Variants in LUC7L2 observed in about 807,000 individuals in gnomAD.
LUC7L2 encodes the protein putative RNA-binding protein Luc7-like 2.
LUC7L2 carries 25 observed loss-of-function variants against 52.8 expected under a neutral mutation model. The ratio of observed to expected loss-of-function variants is 0.47; its 90% CI spans 0.34 to 0.66. The LOEUF (loss-of-function observed/expected upper bound fraction) is 0.66. Among genes scored for constraint, LUC7L2 ranks in the 30% least tolerant of loss-of-function variants. LUC7L2 has a pLI of 0.01. For missense variants in LUC7L2, 328 were observed against 497.8 expected, an observed-to-expected ratio of 0.66 and a Z score of 3.25; for synonymous variants, 144 against 160.9, an observed-to-expected ratio of 0.89 and a Z score of 0.80.
At chr7:139,401,684 T>A (rs1262833873) in intron 3 of LUC7L2, among the ~76,000 whole-genome samples, 1 of 151,840 alleles carries the variant, frequency 6.6e-6, no homozygotes, top group Non-Finnish European at 1.5e-5. Flanking sequence ...AACTCCTAAC[T>A]TCAGGTGATC....
intron 4 of LUC7L2, among the ~76,000 whole-genome samples, chr7:139,403,923 C>T (rs1473514116): frequency 3.9e-5 from 6 of 152,108 alleles, no homozygotes; most frequent in Non-Finnish European, 8.8e-5. Context: ...ATGTTTGCTA[C>T]CATCTCAGTA....
intron 1 of LUC7L2, among the ~76,000 whole-genome samples, chr7:139,362,293 A>G (rs1161966795): frequency 6.6e-6 from 1 of 152,162 alleles, no homozygotes; most frequent in Non-Finnish European, 1.5e-5. Context: ...AATTCTATAT[A>G]TGCAAAATAA....
chr7:139,376,053 A>G lies in LUC7L2; in HGVS notation c.62-9A>G, dbSNP rs1425724944. On this transcript the variant is annotated splice_polypyrimidine_tract_variant and intron_variant, in intron 1 of 9. Transcript: ENST00000354926. ...AACCTTGAATGTTATTAACTCTTCT[A>G]TATTACAGGAGATACAACTCGTCAA... The G allele has an allele frequency of 2.5e-6, 4 of 1,613,406 alleles. No individual in the cohort carries two copies. The highest frequency in any genetic ancestry group is 1.7e-5 in the Admixed American group (1 of 60,018).
chr7:139,408,395 A>C (rs996674067), intron 6 of LUC7L2, among the ~76,000 whole-genome samples: 5 of 152,194 alleles, frequency 3.3e-5, no homozygotes, highest in African/African-American at 1.2e-4. Context: ...TCAGGATGGT[A>C]ATTGGAAGTG....
At chr7:139,404,444 GGTT>G (rs1287454534) in intron 4 of LUC7L2, among the ~76,000 whole-genome samples, 1 of 152,178 alleles carries the variant, frequency 6.6e-6, no homozygotes, top group Non-Finnish European at 1.5e-5. Flanking sequence ...AGGAGGCAGA[GGTT>G]GTAGTGAACT....
At chr7:139,343,925 CCAA>C (rs1304091378) in intron 1 of LUC7L2, among the ~76,000 whole-genome samples, 4 of 126,506 alleles carry the variant, frequency 3.2e-5, no homozygotes, top group African/African-American at 1.1e-4. Flanking sequence ...GACCCTGTCC[CCAA>C]AAAAAAAAAA....
intron 1 of LUC7L2, among the ~76,000 whole-genome samples, chr7:139,354,234 T>G (rs567685219): frequency 6.6e-6 from 1 of 152,366 alleles, no homozygotes; most frequent in South Asian, 2.1e-4. Context: ...GTCAAAATTT[T>G]TTTAAATTCT....
chr7:139,377,777 T>A (rs1254823507), intron 2 of LUC7L2, among the ~76,000 whole-genome samples: 1 of 150,074 alleles, frequency 6.7e-6, no homozygotes. Flanking sequence ...TTTGTCCACC[T>A]CAGCCTCCCA....
rs1027695602 is a variant in LUC7L2 at position 139,398,994 on chromosome 7, A to G, written c.255+297A>G. ...AAATATCAAGCAAATGTAAGCAACT[A>G]ATTTATAGTGTATATAAGGACCTAT... On this transcript the variant is annotated intron_variant, in intron 3 of 9. Transcript: ENST00000354926. Among the ~76,000 whole-genome samples the G allele has an allele frequency of 7.9e-5, 12 of 152,276 alleles. No homozygotes were observed. In the South Asian group the frequency reaches 1.0e-3, roughly 13 times the overall value.
intron 3 of LUC7L2, 33 bp from the exon 4 acceptor site, chr7:139,402,104 C>G: frequency 6.5e-7 from 1 of 1,543,664 alleles, no homozygotes; most frequent in Admixed American, 2.2e-5. Flanking sequence ...AATTGACTTT[C>G]TGACAGTAAT....
rs528492867 is a variant in LUC7L2 at position 139,398,634 on chromosome 7, C to A, written c.192C>A (p.Asp64Glu). 6.2e-7 allele frequency: 1 copy of A among 1,612,560 alleles called. No individual in the cohort carries two copies. The highest frequency in any genetic ancestry group is 8.5e-7 in the Non-Finnish European group (1 of 1,179,474). Residue 64 changes from aspartate to glutamate, a missense_variant, in exon 3 of 10, where the codon GAC becomes GAA. Physicochemically the swap from Asp to Glu is conservative, Grantham distance 45. Coordinates refer to ENST00000354926, the MANE Select transcript of LUC7L2 (RefSeq NM_016019.5). ...MDLGECLKVH[D>E]LALRADYEIA... ...TTGGAGAATGTCTGAAAGTCCATGA[C>A]CTGGCTTTAAGAGCGGATTATGAAA... is the stretch of plus-strand genomic sequence containing the variant.
intron 7 of LUC7L2, among the ~76,000 whole-genome samples, chr7:139,410,473 G>A (rs1795313385): frequency 6.6e-6 from 1 of 152,054 alleles, no homozygotes; most frequent in Non-Finnish European, 1.5e-5. Context: ...TTCATTAATT[G>A]ATAAAATCTT....
intron 2 of LUC7L2, among the ~76,000 whole-genome samples, chr7:139,381,975 C>T (rs1422787860): frequency 6.6e-6 from 1 of 150,856 alleles, no homozygotes; most frequent in Middle Eastern, 3.2e-3. Flanking sequence ...ACCTCAGCCT[C>T]CCAGGTTCAA....
intron 1 of LUC7L2, among the ~76,000 whole-genome samples, chr7:139,350,864 T>C (rs1024881234): frequency 1.3e-5 from 2 of 151,852 alleles, no homozygotes; most frequent in African/African-American, 2.4e-5. Flanking sequence ...TTAGTAGAGA[T>C]GGGGTTTCAC....
chr7:139,418,891 G>T (rs924823230), intron 9 of LUC7L2, among the ~76,000 whole-genome samples: 7 of 152,118 alleles, frequency 4.6e-5, no homozygotes, highest in Non-Finnish European at 7.3e-5. Context: ...ACCGAGATGG[G>T]CGTATCACTT....
intron 8 of LUC7L2, among the ~76,000 whole-genome samples, chr7:139,413,895 T>TTATA (rs1795478324): frequency 6.6e-6 from 1 of 152,200 alleles, no homozygotes; most frequent in Non-Finnish European, 1.5e-5. Context: ...GTCAGCTAAT[T>TTATA]TATATTATTG....
At chr7:139,360,362 G>T in intron 1 of LUC7L2, 40 bp downstream of exon 1, 1 of 1,536,068 alleles carries the variant, frequency 6.5e-7, no homozygotes, top group Non-Finnish European at 8.8e-7. Context: ...GGGAGGGGAC[G>T]GGGACGGCGA....
intron 1 of LUC7L2, among the ~76,000 whole-genome samples, chr7:139,349,967 C>A (rs1333309188): frequency 6.6e-6 from 1 of 152,192 alleles, no homozygotes; most frequent in Non-Finnish European, 1.5e-5. Context: ...CCTTTGCAGT[C>A]AATTCTCCTT....
Position 139,422,146 on chromosome 7 carries a change from AAATT to A in LUC7L2, c.1002-13_1002-10del, listed in dbSNP as rs1795935676. Reference sequence around the variant, plus strand: ...GGTTTCCCAACATATTTTGCTCCTCAAATTAATATTTTTCAGATCCTCAAAAGAA... The same window carrying A: ...GGTTTCCCAACATATTTTGCTCCTCAAATATTTTTCAGATCCTCAAAAGAA... On this transcript the variant is annotated splice_polypyrimidine_tract_variant and intron_variant, in intron 9 of 9. Transcript: ENST00000354926. The A allele has an allele frequency of 1.9e-6, 3 of 1,584,446 alleles. No individual in the cohort carries two copies. The highest frequency in any genetic ancestry group is 2.6e-6 in the Non-Finnish European group (3 of 1,170,526).
Sources: gnomAD v4.1 joint callset for allele counts (sites outside exome capture counted in the v4.1 genomes callset) on GRCh38, gnomAD v4.1.1 for gene constraint, MANE v1.5 for transcripts, NCBI Gene and HGNC (gene_info 2026-07-23, HGNC 2026-07-21) for gene names.